FMNL3: variants seen among roughly 807,000 people sequenced by gnomAD.
FMNL3 encodes formin like 3, also known as formin-like protein 3.
A neutral mutation model predicts 119.6 loss-of-function variants in FMNL3; 57 were observed. The observed-to-expected ratio is 0.48, with a 90% confidence interval of 0.39 to 0.59. The LOEUF (loss-of-function observed/expected upper bound fraction) is 0.59, where lower values mean the gene tolerates loss of function less well. Ranked by LOEUF, FMNL3 falls within the 20% of genes least tolerant of loss-of-function variation. The probability of loss-of-function intolerance (pLI) is 0.00; values close to 1 mark genes in which losing one functional copy is unlikely to be tolerated. For synonymous variants in FMNL3, 491 were observed against 507.3 expected, an observed-to-expected ratio of 0.97 and a Z score of 0.43; for missense variants, 1,053 against 1,323.5, an observed-to-expected ratio of 0.80 and a Z score of 3.17.
chr12:49,661,980 G>A lies in FMNL3; in HGVS notation c.438C>T (p.Ala146=), dbSNP rs1943747641. Residue 146 remains alanine, a synonymous_variant, in exon 5 of 26, where the codon GCC becomes GCT. Coordinates refer to ENST00000335154, the MANE Select transcript of FMNL3 (RefSeq NM_175736.5). ...GTGGTACTCACATGACAGAACACTGGGCAAAGGACAGGTAATCCACCAGTA... is the reference window on the plus strand; with the variant it reads ...GTGGTACTCACATGACAGAACACTGAGCAAAGGACAGGTAATCCACCAGTA... ...LDVLVDYLSF[A]QCSVMFDFEG... is the part of the protein sequence containing the mutation. 1.9e-6 allele frequency: 3 copies of A among 1,614,004 alleles called. No homozygotes were observed. The highest frequency in any genetic ancestry group is 2.7e-5 in the African/African-American group (2 of 74,870).
Position 49,646,889 on chromosome 12 carries a change from T to C in FMNL3, c.2992A>G (p.Thr998Ala). The stretch of plus-strand genomic sequence containing the variant: ...CAGGGAGTGAAAAGGGCCCCACCTG[T>C]GATGATGTCCTCGATGGTACCATCC... ...GKDGTIEDII[T>A]GLHCQPMVVR... Residue 998 changes from threonine (T) to alanine (A), a missense_variant, in exon 25 of 26, where the codon ACA (threonine) becomes GCA (alanine). Transcript: ENST00000335154. 1 of 1,613,828 alleles carries C rather than the reference T, an allele frequency of 6.2e-7. No individual in the cohort carries two copies.
rs1161696340 is a variant in FMNL3 at position 49,656,851 on chromosome 12, C to T, written c.763G>A (p.Ala255Thr). 6.2e-7 allele frequency: 1 copy of T among 1,614,072 alleles called. No individual in the cohort carries two copies. Among genetic ancestry groups the T allele is most frequent in the East Asian group, 2.2e-5 (1 of 44,882 alleles). ...MSHPHAVNEI[A>T]LSLNNKNPRT... ...GGATTCTTGTTATTGAGGCTAAGTG[C>T]AATCTCATTGACAGCATGGGGGTGG... is the stretch of plus-strand genomic sequence containing the variant. The change falls in exon 8 of 26, where the codon GCA (alanine) becomes ACA (threonine). Residue 255 changes from alanine to threonine, a missense_variant. Coordinates refer to ENST00000335154, the MANE Select transcript of FMNL3 (RefSeq NM_175736.5).
intron 1 of FMNL3, among the ~76,000 whole-genome samples, chr12:49,675,232 G>A (rs1482979579): frequency 1.3e-5 from 2 of 152,158 alleles, no homozygotes; most frequent in Non-Finnish European, 2.9e-5. Context: ...TTCTGTCAGC[G>A]CTTCCCAACT....
intron 1 of FMNL3, among the ~76,000 whole-genome samples, chr12:49,691,971 G>A (rs185481321): frequency 3.4e-5 from 5 of 145,428 alleles, no homozygotes; most frequent in Admixed American, 7.1e-5. Flanking sequence ...GGAGGTGGAG[G>A]TTGCAGTGAA....
chr12:49,704,628 T>C (rs1159495604), intron 1 of FMNL3, among the ~76,000 whole-genome samples: 1 of 149,562 alleles, frequency 6.7e-6, no homozygotes, highest in Non-Finnish European at 1.5e-5. Flanking sequence ...GGAGAACTGC[T>C]TGAACCCGGG....
At position 49,641,845 on chromosome 12, in the gene FMNL3, C is replaced by T; in HGVS notation, c.*3970G>A. On this transcript the variant is annotated 3_prime_UTR_variant, in exon 26 of 26. Transcript: ENST00000335154. ...CTTGACCATCTGTAATGTGACCACT[C>T]TGCCTGCCAGCTTTGGCCTCAGGCA... The T allele has an allele frequency of 7.2e-7, 1 of 1,394,728 alleles. No homozygotes were observed. The highest frequency in any genetic ancestry group is 1.0e-6 in the Non-Finnish European group (1 of 987,156). The allele number at this position is 1,394,728 out of a possible 1,614,324, so 86.4% of individuals were successfully genotyped here. A position where few individuals can be genotyped will look rare whatever the true frequency, so the allele number is the denominator to read the frequency against.
At position 49,642,900 on chromosome 12, in the gene FMNL3, T is replaced by A. The variant is rs1328600530; in HGVS notation, c.*2915A>T. ...CTTCCTGGGGCTAAGTCTGGTGCTG[T>A]CCTCACCCTTCTTCCTCTGCCTCTA... On this transcript the variant is annotated 3_prime_UTR_variant, in exon 26 of 26. Transcript: ENST00000335154. This position sits in a 1 kb window ranked among gnomAD's most constrained non-coding sequence, Gnocchi z 5.8. The A allele has an allele frequency of 6.3e-7, 1 of 1,599,200 alleles. No homozygotes were observed. The highest frequency in any genetic ancestry group is 1.3e-5 in the African/African-American group (1 of 74,596).
intron 22 of FMNL3, 85 bp downstream of exon 22, chr12:49,648,104 TAAAA>T: frequency 1.6e-6 from 2 of 1,234,082 alleles, no homozygotes; most frequent in Admixed American, 2.7e-5. Flanking sequence ...CTGCTTGATT[TAAAA>T]AAAAAAAAAA....
chr12:49,642,174 T>C lies in FMNL3; in HGVS notation c.*3641A>G. 1.2e-6 allele frequency: 2 copies of C among 1,613,308 alleles called. No homozygotes were observed. Among genetic ancestry groups the C allele is most frequent in the Middle Eastern group, 1.6e-4 (1 of 6,062 alleles). On this transcript the variant is annotated 3_prime_UTR_variant, in exon 26 of 26. Coordinates refer to ENST00000335154, the MANE Select transcript of FMNL3 (RefSeq NM_175736.5). This position sits in a 1 kb window ranked among gnomAD's most constrained non-coding sequence, Gnocchi z 5.8. ...AACTTTCCACCTCCTAAGGTATGCC[T>C]GAGTGGGACCTGGCATCCACCCTCC...
chr12:49,704,256 C>A (rs1944984060), intron 1 of FMNL3, among the ~76,000 whole-genome samples: 1 of 152,162 alleles, frequency 6.6e-6, no homozygotes, highest in South Asian at 2.1e-4. Context: ...ACTCTGACTT[C>A]AAAGTCCATA....
rs773103374 is a variant in FMNL3 at position 49,643,240 on chromosome 12, AGAG to A, written c.*2572_*2574del. 3.7e-6 allele frequency: 6 copies of A among 1,614,122 alleles called. No individual in the cohort carries two copies. In the African/African-American group the frequency reaches 6.7e-5, roughly 18 times the overall value. Reference sequence around the variant, plus strand: ...CTGCCCAGGGCTCTGAGTCAGAAGAAGAGGAGCTGCCCCCACCATCTCTCCGGC... The same window carrying A: ...CTGCCCAGGGCTCTGAGTCAGAAGAAGAGCTGCCCCCACCATCTCTCCGGC... On this transcript the variant is annotated 3_prime_UTR_variant, in exon 26 of 26. Coordinates refer to ENST00000335154, the MANE Select transcript of FMNL3 (RefSeq NM_175736.5).
At chr12:49,689,004 G>A (rs975031073) in intron 1 of FMNL3, among the ~76,000 whole-genome samples, 18 of 152,224 alleles carry the variant, frequency 1.2e-4, no homozygotes, top group African/African-American at 4.1e-4. Flanking sequence ...TGTAATCTCA[G>A]CACTTTGGGA....
chr12:49,653,221 T>C lies in FMNL3; in HGVS notation c.1323+5A>G. ...CAGGGACTGCCTTCCCCAGAGTACT[T>C]GTACCTTGATGCTCTCTAGTTCCTT... On this transcript the variant is annotated splice_donor_5th_base_variant and intron_variant, in intron 13 of 25. Transcript: ENST00000335154. 3.7e-6 allele frequency: 6 copies of C among 1,613,812 alleles called. No homozygotes were observed. The highest frequency in any genetic ancestry group is 5.1e-6 in the Non-Finnish European group (6 of 1,179,838).
At chr12:49,704,116 C>A (rs2139072952) in intron 1 of FMNL3, among the ~76,000 whole-genome samples, 1 of 152,264 alleles carries the variant, frequency 6.6e-6, no homozygotes, top group African/African-American at 2.4e-5. Context: ...ATTAAATCCA[C>A]ACAACAACCT....
chr12:49,642,085 T>C lies in FMNL3; in HGVS notation c.*3730A>G. On this transcript the variant is annotated 3_prime_UTR_variant, in exon 26 of 26. Coordinates refer to ENST00000335154, the MANE Select transcript of FMNL3 (RefSeq NM_175736.5). This position sits in a 1 kb window ranked among gnomAD's most constrained non-coding sequence, Gnocchi z 5.8. ...TTCATCTGTGTCTTGCTCCATTCCTTCTCACTCACTGTCCCACTGACTATA... is the reference window on the plus strand; with the variant it reads ...TTCATCTGTGTCTTGCTCCATTCCTCCTCACTCACTGTCCCACTGACTATA... The C allele has an allele frequency of 6.2e-7, 1 of 1,604,572 alleles. No individual in the cohort carries two copies. Among genetic ancestry groups the C allele is most frequent in the Admixed American group, 1.7e-5 (1 of 59,978 alleles).
At chr12:49,677,892 T>C (rs1049476298) in intron 1 of FMNL3, among the ~76,000 whole-genome samples, 1 of 152,238 alleles carries the variant, frequency 6.6e-6, no homozygotes, top group Non-Finnish European at 1.5e-5. Context: ...AGATGGAGTC[T>C]CGCTCTGTTG....
intron 6 of FMNL3, among the ~76,000 whole-genome samples, chr12:49,657,836 G>C (rs2878532): frequency 0.24 from 37,226 of 152,174 alleles, 7,390 homozygotes; most frequent in African/African-American, 0.56. Context: ...AAAGGGCCAT[G>C]GGACCCAAAG....
chr12:49,652,436 C>T (rs1943434782), intron 13 of FMNL3, among the ~76,000 whole-genome samples: 1 of 152,178 alleles, frequency 6.6e-6, no homozygotes, highest in Non-Finnish European at 1.5e-5. Flanking sequence ...CTGAAGTGTC[C>T]TCTCTGCTCC....
In FMNL3 at chr12:49,647,294, G is replaced by A. The variant is rs1943234352; in HGVS notation, c.2853C>T (p.Ala951=). ...CACCCACCTTGGCATCCAGTTTCTT[G>A]GCTTCCTGAGCCAGCTGCTTCTCCC... The part of the protein sequence containing the change: ...VMREKQLAQE[A]KKLDAKTPSQ... Residue 951 remains alanine (A), a synonymous_variant, in exon 24 of 26, where the codon GCC becomes GCT. Transcript: ENST00000335154. This position sits in a 1 kb window ranked among gnomAD's most constrained non-coding sequence, Gnocchi z 4.9. 6.2e-7 allele frequency: 1 copy of A among 1,613,842 alleles called. No homozygotes were observed. Among genetic ancestry groups the A allele is most frequent in the African/African-American group, 1.3e-5 (1 of 74,908 alleles).
Sources: gnomAD v4.1 joint callset for allele counts (sites outside exome capture counted in the v4.1 genomes callset) on GRCh38, gnomAD v4.1.1 for gene constraint, Gnocchi (gnomAD v3.1) non-coding constraint, MANE v1.5 for transcripts, NCBI Gene and HGNC (gene_info 2026-07-23, HGNC 2026-07-21) for gene names.